The following PRKG1 variants were observed in gnomAD, a reference collection of about 807,000 sequenced individuals.
PRKG1 encodes the protein cGMP-dependent protein kinase 1.
Under a neutral mutation model 88.1 loss-of-function variants are expected in PRKG1, and 35 were observed. That is an observed-to-expected ratio of 0.40 (90% confidence interval 0.30 to 0.53). The LOEUF (loss-of-function observed/expected upper bound fraction) is 0.53, where lower values mean the gene tolerates loss of function less well. Among genes scored for constraint, PRKG1 ranks in the 20% least tolerant of loss-of-function variants. The pLI, the probability that PRKG1 is intolerant of heterozygous loss-of-function variation, is 0.59. For synonymous variants in PRKG1, 303 were observed against 292.5 expected, an observed-to-expected ratio of 1.04 and a Z score of -0.37; for missense variants, 540 against 839.8, an observed-to-expected ratio of 0.64 and a Z score of 4.41.
intron 3 of PRKG1, among the ~76,000 whole-genome samples, chr10:51,613,781 T>C (rs1838974780): frequency 6.6e-6 from 1 of 151,938 alleles, no homozygotes; most frequent in Non-Finnish European, 1.5e-5. Flanking sequence ...TTTAATATAT[T>C]TGTGTACTTT....
chr10:52,176,714 G>A (rs1386305911), intron 9 of PRKG1, among the ~76,000 whole-genome samples: 1 of 151,988 alleles, frequency 6.6e-6, no homozygotes, highest in Non-Finnish European at 1.5e-5. Flanking sequence ...GGTTTTCGTT[G>A]TAGAGGACTT....
chr10:51,980,576 G>A (rs960673278), intron 5 of PRKG1, among the ~76,000 whole-genome samples: 27 of 152,240 alleles, frequency 1.8e-4, no homozygotes, highest in Non-Finnish European at 2.5e-4. Flanking sequence ...TACTGTCAAT[G>A]GGGTGTTAAA....
chr10:51,560,390 A>G (rs924089382), intron 3 of PRKG1, among the ~76,000 whole-genome samples: 3 of 152,178 alleles, frequency 2.0e-5, no homozygotes, highest in African/African-American at 7.2e-5. Context: ...AGATAGGAAC[A>G]TATTACTTCT....
intron 1 of PRKG1, among the ~76,000 whole-genome samples, chr10:51,093,959 A>G (rs912299005): frequency 6.6e-6 from 1 of 151,244 alleles, no homozygotes; most frequent in Non-Finnish European, 1.5e-5. Context: ...GTATATATTT[A>G]TTTGTTTCCT....
At chr10:51,633,292 A>C (rs182332664) in intron 3 of PRKG1, among the ~76,000 whole-genome samples, 3 of 152,258 alleles carry the variant, frequency 2.0e-5, no homozygotes, top group Admixed American at 6.5e-5. Flanking sequence ...AAAGAAAAAA[A>C]TAGATTAGTA....
At chr10:51,978,677 T>C (rs1843912948) in intron 5 of PRKG1, among the ~76,000 whole-genome samples, 1 of 152,198 alleles carries the variant, frequency 6.6e-6, no homozygotes, top group African/African-American at 2.4e-5. Context: ...ATTTTTCACC[T>C]CACTAGTTAG....
At chr10:51,949,500 A>G (rs777922678) in intron 5 of PRKG1, among the ~76,000 whole-genome samples, 1 of 151,950 alleles carries the variant, frequency 6.6e-6, no homozygotes, top group East Asian at 1.9e-4. Flanking sequence ...AGATTGGTAC[A>G]ATAGAGTAGA....
At chr10:51,990,982 A>C (rs1031653285) in intron 5 of PRKG1, among the ~76,000 whole-genome samples, 4 of 151,950 alleles carry the variant, frequency 2.6e-5, no homozygotes, top group Admixed American at 2.6e-4. Flanking sequence ...CATTTAAGTT[A>C]ATTCCATGTC....
chr10:51,072,817 T>C (rs894750584), upstream of PRKG1, among the ~76,000 whole-genome samples: 4 of 152,150 alleles, frequency 2.6e-5, no homozygotes, highest in Non-Finnish European at 5.9e-5. Flanking sequence ...TTAAGATACC[T>C]TGACCTCCCT....
intron 1 of PRKG1, among the ~76,000 whole-genome samples, chr10:51,077,795 A>C (rs10995563): frequency 6.6e-6 from 1 of 152,202 alleles, no homozygotes; most frequent in African/African-American, 2.4e-5. Context: ...AGCAAATTGG[A>C]ATCTGTATTC....
chr10:51,419,809 T>TA (rs1252509949), intron 2 of PRKG1, among the ~76,000 whole-genome samples: 3 of 151,916 alleles, frequency 2.0e-5, no homozygotes, highest in Non-Finnish European at 4.4e-5. Flanking sequence ...CAATAATTTT[T>TA]TTTTTTTTTT....
rs1213241365 is a variant in PRKG1, at chr10:51,184,708, T to C, written c.478+31378T>C. On this transcript the variant is annotated intron_variant, in intron 2 of 17. Transcript: ENST00000373980. ...TTTATGTTTTGATTTTACTATTTCA[T>C]ATCTAATCTAATTAGGCAATATCCC... Among the ~76,000 whole-genome samples, 9 of 152,232 alleles carry C rather than the reference T, an allele frequency of 5.9e-5. No individual in the cohort carries two copies. In the South Asian group the frequency reaches 8.3e-4, roughly 14 times the overall value.
At chr10:51,162,222 C>T (rs1846381581) in intron 2 of PRKG1, among the ~76,000 whole-genome samples, 1 of 152,086 alleles carries the variant, frequency 6.6e-6, no homozygotes, top group African/African-American at 2.4e-5. Context: ...GTGTGGCTAC[C>T]ATGGCAACAG....
Position 51,074,664 on chromosome 10 carries a change from T to G in PRKG1, c.74T>G (p.Ile25Ser). ...IEELRQRDAL[I>S]DELELELDQK... ...GAGCTGAGGCAGCGGGATGCTCTCA[T>G]CGACGAGCTGGAGCTGGAGTTGGAT... is the stretch of plus-strand genomic sequence containing the variant. The change falls in exon 1 of 18, where the codon ATC (isoleucine) becomes AGC (serine). Residue 25 changes from isoleucine (I) to serine (S), a missense_variant. Physicochemically the swap from Ile to Ser is moderately radical, Grantham distance 142 (BLOSUM62 -2). This residue lies in a region of PRKG1 where 15 missense variants were observed against 30.1 expected (regional missense o/e 0.50). Coordinates refer to ENST00000373980, the MANE Select transcript of PRKG1 (RefSeq NM_006258.4). 1 of 1,614,054 alleles carries G rather than the reference T, an allele frequency of 6.2e-7. No homozygotes were observed. Among genetic ancestry groups the G allele is most frequent in the Non-Finnish European group, 8.5e-7 (1 of 1,179,974 alleles).
At chr10:51,174,309 G>T (rs1039245184) in intron 2 of PRKG1, among the ~76,000 whole-genome samples, 1 of 151,866 alleles carries the variant, frequency 6.6e-6, no homozygotes, top group Non-Finnish European at 1.5e-5. Context: ...GGGTGCTTGT[G>T]ATCATGAATG....
chr10:52,253,254 C>T (rs1841225189), intron 10 of PRKG1: 2 of 151,906 alleles, frequency 1.3e-5, no homozygotes, highest in South Asian at 4.2e-4. Context: ...AGTGTTACAA[C>T]TTTGTGAACT....
intron 1 of PRKG1, chr10:51,148,338 A>G: frequency 1.1e-6 from 1 of 876,828 alleles, no homozygotes; most frequent in Non-Finnish European, 1.4e-6. Flanking sequence ...AAAGAAAATT[A>G]GTGAGTGATG....
intron 2 of PRKG1, among the ~76,000 whole-genome samples, chr10:51,224,930 C>A (rs562692585): frequency 2.0e-5 from 3 of 152,298 alleles, no homozygotes; most frequent in Admixed American, 2.0e-4. Context: ...AGCCATGCCC[C>A]TGCTTCCCAT....
chr10:52,012,874 C>G (rs1303859421), intron 5 of PRKG1, among the ~76,000 whole-genome samples: 1 of 152,090 alleles, frequency 6.6e-6, no homozygotes, highest in Non-Finnish European at 1.5e-5. Flanking sequence ...TGATTATATT[C>G]ACCGCATACT....
Sources: allele counts gnomAD v4.1 joint callset (sites outside exome capture counted in the v4.1 genomes callset), GRCh38; gene constraint gnomAD v4.1.1; regional missense constraint gnomAD v4.1.1; transcripts MANE v1.5; gene names NCBI Gene and HGNC (gene_info 2026-07-23, HGNC 2026-07-21).